The following COQ4 variants were observed in gnomAD, a reference collection of about 807,000 sequenced individuals.
COQ4 encodes coenzyme Q4.
Under a neutral mutation model 30.2 loss-of-function variants are expected in COQ4, and 36 were observed. The observed-to-expected ratio is 1.19, with a 90% confidence interval of 0.91 to 1.57. The LOEUF (loss-of-function observed/expected upper bound fraction) is 1.57, where lower values mean the gene tolerates loss of function less well. COQ4 is among the 40% of genes most tolerant of loss of function. The pLI, the probability that COQ4 is intolerant of heterozygous loss-of-function variation, is 0.00. For synonymous variants in COQ4, 197 were observed against 161.0 expected, an observed-to-expected ratio of 1.22 and a Z score of -1.69; for missense variants, 369 against 371.9, an observed-to-expected ratio of 0.99 and a Z score of 0.07.
chr9:128,322,846 G>A lies in COQ4; in HGVS notation c.-13G>A. ...TCTTCGTACCCGCCCATCCTCCGCG[G>A]ACGCCCGCTGCCATGGCGACTCTGC... On this transcript the variant is annotated 5_prime_UTR_variant, in exon 1 of 7. Transcript: ENST00000300452. 6.5e-7 allele frequency: 1 copy of A among 1,541,122 alleles called. No homozygotes were observed. Among genetic ancestry groups the A allele is most frequent in the Non-Finnish European group, 8.7e-7 (1 of 1,146,450 alleles).
chr9:128,322,890 G>T lies in COQ4; in HGVS notation c.32G>T (p.Arg11Leu), dbSNP rs770687111. ...ACTCTGCTGCGCCCTGTCCTCCGTC[G>T]GCTCTGCGGGCTCCCGGGCCTACAG... MATLLRPVLRRLCGLPGLQRP... is the reference protein window; with the variant it reads MATLLRPVLRLLCGLPGLQRP... Residue 11 changes from arginine to leucine, a missense_variant, in exon 1 of 7, where the codon CGG becomes CTG. Arg to Leu is a moderately radical substitution (Grantham distance 102). Transcript: ENST00000300452. 6 of 1,589,962 alleles carry T rather than the reference G, an allele frequency of 3.8e-6. No individual in the cohort carries two copies. In the Admixed American group the frequency reaches 8.7e-5, roughly 23 times the overall value.
Position 128,333,545 on chromosome 9 carries a change from T to C in COQ4, c.698T>C (p.Leu233Pro). ...VQNGRRAPCV[L>P]NLYYERRWEQ... ...AACGGGCGCAGAGCCCCATGTGTCC[T>C]CAACCTGTACTATGAGCGGCGCTGG... The change falls in exon 7 of 7, where the codon CTC becomes CCC. Residue 233 changes from leucine (L) to proline (P), a missense_variant. By Grantham distance (98) the Leu-to-Pro change is moderately conservative (BLOSUM62 -3). Coordinates refer to ENST00000300452, the MANE Select transcript of COQ4 (RefSeq NM_016035.5). 1 of 1,610,106 alleles carries C rather than the reference T, an allele frequency of 6.2e-7. No homozygotes were observed. Among genetic ancestry groups the C allele is most frequent in the African/African-American group, 1.3e-5 (1 of 74,820 alleles).
chr9:128,330,438 G>A (rs745545021), intron 4 of COQ4: 22 of 151,948 alleles, frequency 1.4e-4, no homozygotes, highest in Non-Finnish European at 2.5e-4. Flanking sequence ...TTTTCTGCCA[G>A]CTACTTTAAT....
At chr9:128,330,929 C>G (rs1183118472) in intron 4 of COQ4, 1 of 152,016 alleles carries the variant, frequency 6.6e-6, no homozygotes, top group Non-Finnish European at 1.5e-5. Context: ...GCTCCGCCTC[C>G]CGGGCTTACG....
chr9:128,333,693 C>T lies in COQ4; in HGVS notation c.*48C>T. 1.4e-6 allele frequency: 2 copies of T among 1,457,148 alleles called. No individual in the cohort carries two copies. Among genetic ancestry groups the T allele is most frequent in the South Asian group, 2.9e-5 (2 of 68,904 alleles). The allele number at this position is 1,457,148 out of a possible 1,614,324, so 90.3% of individuals were successfully genotyped here. A position where few individuals can be genotyped will look rare whatever the true frequency, so the allele number is the denominator to read the frequency against. Reference sequence around the variant, plus strand: ...GCCTACCTCCCCCATCCCCTGCTTCCCTTGGAGGCAGAGGGCTCCCTTGAC... The same window carrying T: ...GCCTACCTCCCCCATCCCCTGCTTCTCTTGGAGGCAGAGGGCTCCCTTGAC... On this transcript the variant is annotated 3_prime_UTR_variant, in exon 7 of 7. Transcript: ENST00000300452.
At chr9:128,325,668 G>T in intron 3 of COQ4, 111 bp from the exon 4 acceptor site, 1 of 810,690 alleles carries the variant, frequency 1.2e-6, no homozygotes. Flanking sequence ...ATTAAGGCTT[G>T]TGGTGGCCAC....
At chr9:128,324,083 A>C (rs1485014518) in intron 2 of COQ4, among the ~76,000 whole-genome samples, 1 of 152,160 alleles carries the variant, frequency 6.6e-6, no homozygotes, top group African/African-American at 2.4e-5. Flanking sequence ...TCCCAGGTTC[A>C]AGCGATTCTC....
intron 4 of COQ4, among the ~76,000 whole-genome samples, chr9:128,326,591 C>T (rs1222996374): frequency 2.0e-5 from 3 of 151,918 alleles, no homozygotes; most frequent in East Asian, 1.9e-4. Context: ...TACAGGCGCC[C>T]GCCACGACGC....
intron 2 of COQ4, among the ~76,000 whole-genome samples, chr9:128,323,987 T>A (rs1310114180): frequency 1.3e-5 from 2 of 152,132 alleles, no homozygotes; most frequent in Non-Finnish European, 2.9e-5. Flanking sequence ...AGTGGTTTTT[T>A]GTTTGTTTTG....
At chr9:128,330,308 G>C (rs1447169965) in intron 4 of COQ4, 1 of 151,404 alleles carries the variant, frequency 6.6e-6, no homozygotes, top group Non-Finnish European at 1.5e-5. Flanking sequence ...GGGAGGAGGA[G>C]ATTGCAGTAA....
In COQ4 at chr9:128,333,722, C is replaced by T; in HGVS notation, c.*77C>T. On this transcript the variant is annotated 3_prime_UTR_variant, in exon 7 of 7. Coordinates refer to ENST00000300452, the MANE Select transcript of COQ4 (RefSeq NM_016035.5). Reference sequence around the variant, plus strand: ...GGAGGCAGAGGGCTCCCTTGACTACCTTTGTTCCTCTTCTTTGAACACTGA... The same window carrying T: ...GGAGGCAGAGGGCTCCCTTGACTACTTTTGTTCCTCTTCTTTGAACACTGA... The T allele has an allele frequency of 8.1e-7, 1 of 1,231,406 alleles. No homozygotes were observed. The highest frequency in any genetic ancestry group is 1.1e-6 in the Non-Finnish European group (1 of 917,110). 76.3% of individuals were successfully genotyped at this position (1,231,406 alleles called of 1,614,324 possible). A position where few individuals can be genotyped will look rare whatever the true frequency, so the allele number is the denominator to read the frequency against.
In COQ4 at chr9:128,327,312, G is replaced by A. The variant is rs1011255181; in HGVS notation, c.402+1431G>A. Among the ~76,000 whole-genome samples the A allele has an allele frequency of 5.3e-5, 8 of 151,912 alleles. No homozygotes were observed. The Middle Eastern group carries it at 0.014, about 258-fold the overall frequency. ...ACAAAAATTAGCTAGGTGTGATGGT[G>A]TGCGCCTGTAATCCCAGCTACTCGG... On this transcript the variant is annotated intron_variant, in intron 4 of 6. Coordinates refer to ENST00000300452, the MANE Select transcript of COQ4 (RefSeq NM_016035.5).
chr9:128,328,852 T>G (rs904545246), intron 4 of COQ4, among the ~76,000 whole-genome samples: 2 of 152,162 alleles, frequency 1.3e-5, no homozygotes, highest in East Asian at 1.9e-4. Context: ...CCTGTCGCTG[T>G]GGAGGGGAGG....
intron 4 of COQ4, 148 bp from the exon 5 acceptor site, chr9:128,332,005 C>A: frequency 1.1e-6 from 1 of 873,722 alleles, no homozygotes; most frequent in Non-Finnish European, 1.7e-6. Flanking sequence ...CTGGGATTTA[C>A]AGGCATGAGC....
chr9:128,327,382 G>A (rs1022351534), intron 4 of COQ4, among the ~76,000 whole-genome samples: 1 of 152,124 alleles, frequency 6.6e-6, no homozygotes, highest in Non-Finnish European at 1.5e-5. Context: ...GGCACAGGTT[G>A]CAGTGAGCTG....
intron 4 of COQ4, among the ~76,000 whole-genome samples, chr9:128,326,752 T>C (rs1832328955): frequency 6.6e-6 from 1 of 151,560 alleles, no homozygotes; most frequent in African/African-American, 2.4e-5. Context: ...CCATCCTTTT[T>C]GTTTTGTTTT....
intron 2 of COQ4, among the ~76,000 whole-genome samples, chr9:128,324,489 G>A (rs1832283516): frequency 1.3e-5 from 2 of 152,084 alleles, no homozygotes; most frequent in Non-Finnish European, 2.9e-5. Context: ...GGTGTTGTCT[G>A]CACTTCACAA....
At chr9:128,332,812 A>C (rs759952226) in intron 5 of COQ4, 38 bp from the exon 6 acceptor site, 1 of 1,480,538 alleles carries the variant, frequency 6.8e-7, no homozygotes, top group Non-Finnish European at 9.4e-7. Flanking sequence ...TTTCCTTCAG[A>C]TAGCTTGTTC....
chr9:128,324,323 C>T (rs1009150031), intron 2 of COQ4, among the ~76,000 whole-genome samples: 3 of 151,796 alleles, frequency 2.0e-5, no homozygotes, highest in Admixed American at 6.6e-5. Context: ...CGGCGTCTTG[C>T]CACGTTGCCC....
Sources: allele counts gnomAD v4.1 joint callset (sites outside exome capture counted in the v4.1 genomes callset), GRCh38; gene constraint gnomAD v4.1.1; transcripts MANE v1.5; gene names NCBI Gene and HGNC (gene_info 2026-07-23, HGNC 2026-07-21).